Variants in HMGCS1 observed in about 807,000 individuals in gnomAD.
The protein encoded by HMGCS1 is hydroxymethylglutaryl-CoA synthase, cytoplasmic.
Under a neutral mutation model 52.3 loss-of-function variants are expected in HMGCS1, and 9 were observed. That is an observed-to-expected ratio of 0.17 (90% CI 0.10 to 0.30). HMGCS1 has a LOEUF of 0.30. Ranked by LOEUF, HMGCS1 falls within the 10% of genes least tolerant of loss-of-function variation. The probability of loss-of-function intolerance (pLI) is 1.00; values close to 1 mark genes in which losing one functional copy is unlikely to be tolerated. For missense variants in HMGCS1, 320 were observed against 620.9 expected (o/e 0.52, Z 5.15); for synonymous variants, 176 against 214.4 (o/e 0.82, Z 1.57).
intron 2 of HMGCS1, among the ~76,000 whole-genome samples, chr5:43,304,450 A>G (rs1237426230): frequency 6.6e-6 from 1 of 152,258 alleles, no homozygotes; most frequent in African/African-American, 2.4e-5. Flanking sequence ...GTCTTTTAAG[A>G]GCATCATGTA....
intron 10 of HMGCS1, among the ~76,000 whole-genome samples, chr5:43,291,837 T>G (rs1052408745): frequency 6.6e-6 from 1 of 152,108 alleles, no homozygotes; most frequent in South Asian, 2.1e-4. Context: ...AGGACAGATT[T>G]TGACCATGAT....
At chr5:43,292,752 C>A in intron 9 of HMGCS1, 96 bp downstream of exon 9, 1 of 1,510,378 alleles carries the variant, frequency 6.6e-7, no homozygotes, top group Non-Finnish European at 9.1e-7. Flanking sequence ...CAGATTAGTA[C>A]TGAGTAAAGT....
chr5:43,291,899 G>GAC (rs1202902037), intron 10 of HMGCS1, among the ~76,000 whole-genome samples: 1 of 150,736 alleles, frequency 6.6e-6, no homozygotes, highest in African/African-American at 2.4e-5. Flanking sequence ...CTCTCACAAA[G>GAC]ACACACACCA....
At position 43,295,084 on chromosome 5, in the gene HMGCS1, T is replaced by C. The variant is rs113716481; in HGVS notation, c.906-223A>G. On this transcript the variant is annotated intron_variant, in intron 6 of 10. Coordinates refer to ENST00000325110, the MANE Select transcript of HMGCS1 (RefSeq NM_001098272.3). ...ATAATCAAGTTAAGCCTGCTTGATT[T>C]GAATAGGTTAAAAGACGCACTGTAG... 6.1e-3 allele frequency among the ~76,000 whole-genome samples: 929 copies of C among 152,354 alleles called. 16 individuals carry two copies. Among genetic ancestry groups the C allele is most frequent in the African/African-American group, 0.021 (885 of 41,592 alleles).
chr5:43,294,660 G>T, intron 7 of HMGCS1, 31 bp downstream of exon 7: 1 of 1,499,232 alleles, frequency 6.7e-7, no homozygotes, highest in South Asian at 1.3e-5. Context: ...CAAATAAGGG[G>T]AGTTAAGTAG....
At chr5:43,310,002 T>C (rs1754781196) in intron 1 of HMGCS1, among the ~76,000 whole-genome samples, 1 of 152,264 alleles carries the variant, frequency 6.6e-6, no homozygotes, top group African/African-American at 2.4e-5. Flanking sequence ...GAGAAGTTCA[T>C]TGCCTACACA....
intron 2 of HMGCS1, among the ~76,000 whole-genome samples, chr5:43,303,225 C>T (rs1355050448): frequency 6.6e-6 from 1 of 152,228 alleles, no homozygotes; most frequent in Non-Finnish European, 1.5e-5. Context: ...GTCTGGGTTT[C>T]CCCACCAAAT....
chr5:43,298,828 C>T lies in HMGCS1; in HGVS notation c.138G>A (p.Lys46=). Residue 46 remains lysine, a synonymous_variant, in exon 3 of 11, where the codon AAG becomes AAA. Transcript: ENST00000325110. This position sits in a 1 kb window ranked among gnomAD's most constrained non-coding sequence, Gnocchi z 5.6. ...LEKYDGVDAG[K]YTIGLGQAKM... ...TGGCCTGGCCCAAGCCAATGGTATA[C>T]TTTCCAGCATCTACACCATCATATT... 1 of 1,613,422 alleles carries T rather than the reference C, an allele frequency of 6.2e-7. No homozygotes were observed.
intron 6 of HMGCS1, among the ~76,000 whole-genome samples, chr5:43,295,443 G>C (rs1472995710): frequency 6.6e-6 from 1 of 152,202 alleles, no homozygotes; most frequent in Non-Finnish European, 1.5e-5. Context: ...GGGGTGCTGA[G>C]AGAGGTAAGG....
At chr5:43,296,972 C>T (rs1353806512) in intron 5 of HMGCS1, 30 bp downstream of exon 5, 1 of 1,607,272 alleles carries the variant, frequency 6.2e-7, no homozygotes, top group Non-Finnish European at 8.5e-7. Context: ...TCAACTCATA[C>T]CAAAACCAAG....
At chr5:43,295,321 G>A (rs1001628569) in intron 6 of HMGCS1, among the ~76,000 whole-genome samples, 4 of 152,154 alleles carry the variant, frequency 2.6e-5, no homozygotes, top group East Asian at 1.9e-4. Flanking sequence ...GAAACAGAAC[G>A]AGTTGAACAC....
At chr5:43,297,984 C>T (rs1458527882) in intron 4 of HMGCS1, 25 bp downstream of exon 4, 2 of 1,603,754 alleles carry the variant, frequency 1.2e-6, no homozygotes, top group South Asian at 2.2e-5. Flanking sequence ...CTAAAAAAAA[C>T]AAAAATGCTT....
chr5:43,297,931 C>A, intron 4 of HMGCS1, 78 bp downstream of exon 4: 1 of 1,305,632 alleles, frequency 7.7e-7, no homozygotes, highest in Non-Finnish European at 1.1e-6. Flanking sequence ...ATTAAGTAAG[C>A]GACAGCTCCT....
chr5:43,291,080 C>G lies in HMGCS1; in HGVS notation c.*51G>C, dbSNP rs1390396715. 7.7e-6 allele frequency: 6 copies of G among 782,470 alleles called. No individual in the cohort carries two copies. The East Asian group carries it at 1.0e-4, about 13-fold the overall frequency. The allele number at this position is 782,470 out of a possible 1,614,324, so 48.5% of individuals were successfully genotyped here. A position where few individuals can be genotyped will look rare whatever the true frequency, so the allele number is the denominator to read the frequency against. Reference sequence around the variant, plus strand: ...TCCCATTCCTCCAACTGTTCCCATACCCCCACCCCATGCCCACCCCACCCT... The same window carrying G: ...TCCCATTCCTCCAACTGTTCCCATAGCCCCACCCCATGCCCACCCCACCCT... On this transcript the variant is annotated 3_prime_UTR_variant, in exon 11 of 11. Transcript: ENST00000325110.
chr5:43,301,880 C>G (rs1338613882), intron 2 of HMGCS1, among the ~76,000 whole-genome samples: 1 of 152,222 alleles, frequency 6.6e-6, no homozygotes, highest in Non-Finnish European at 1.5e-5. Context: ...TCCAGATTTC[C>G]ATCCTCAAGT....
At chr5:43,295,958 C>T in intron 5 of HMGCS1, 41 bp from the exon 6 acceptor site, 1 of 1,496,564 alleles carries the variant, frequency 6.7e-7, no homozygotes, top group Non-Finnish European at 9.2e-7. Flanking sequence ...TTCATATAAG[C>T]CATGAAATTT....
At chr5:43,294,989 T>C (rs1753959658) in intron 6 of HMGCS1, 128 bp from the exon 7 acceptor site, 1 of 545,802 alleles carries the variant, frequency 1.8e-6, no homozygotes, top group Non-Finnish European at 3.1e-6. Flanking sequence ...AAAAGCCAAG[T>C]AGCAGCAATC....
intron 6 of HMGCS1, 27 bp downstream of exon 6, chr5:43,295,725 G>T: frequency 6.4e-7 from 1 of 1,567,860 alleles, no homozygotes; most frequent in South Asian, 1.1e-5. Context: ...AATATAGAAG[G>T]AAAAAACTCA....
At chr5:43,294,931 A>T (rs969417139) in intron 6 of HMGCS1, 70 bp from the exon 7 acceptor site, 18 of 973,616 alleles carry the variant, frequency 1.8e-5, no homozygotes, top group Middle Eastern at 5.2e-4. Flanking sequence ...CAGCAGGCCT[A>T]ATTAGGATTC....
Sources: allele counts gnomAD v4.1 joint callset (sites outside exome capture counted in the v4.1 genomes callset), GRCh38; gene constraint gnomAD v4.1.1; non-coding constraint Gnocchi (gnomAD v3.1); transcripts MANE v1.5; gene names NCBI Gene and HGNC (gene_info 2026-07-23, HGNC 2026-07-21).